SLK: variants seen among roughly 807,000 people sequenced by gnomAD.
SLK encodes STE20-like serine/threonine-protein kinase.
In SLK, 67 loss-of-function variants were observed where a neutral mutation model predicts 147.7. The observed-to-expected ratio is 0.45, with a 90% CI of 0.37 to 0.56. SLK has a LOEUF of 0.56. SLK is among the 20% of genes least tolerant of loss of function. SLK has a pLI of 0.00. For synonymous variants in SLK, 441 were observed against 475.0 expected (o/e 0.93, Z 0.93); for missense variants, 1,136 against 1,438.8 (o/e 0.79, Z 3.41).
At chr10:104,012,063 G>T (rs1038399155) in intron 13 of SLK, among the ~76,000 whole-genome samples, 6 of 152,048 alleles carry the variant, frequency 3.9e-5, no homozygotes, top group African/African-American at 1.2e-4. Context: ...GTATTTAATC[G>T]ATCCTTTGAA....
chr10:104,009,916 C>T (rs572993547), intron 12 of SLK, among the ~76,000 whole-genome samples: 1 of 152,106 alleles, frequency 6.6e-6, no homozygotes, highest in South Asian at 2.1e-4. Flanking sequence ...GTCTCTTTCA[C>T]GGACCATCAA....
intron 2 of SLK, among the ~76,000 whole-genome samples, chr10:103,991,201 AT>A (rs1564654461): frequency 6.6e-6 from 1 of 152,110 alleles, no homozygotes; most frequent in African/African-American, 2.4e-5. Flanking sequence ...ATTGTTTATA[AT>A]TTTTTATCCT....
At position 104,016,046 on chromosome 10, in the gene SLK, C is replaced by T. The variant is rs577285502; in HGVS notation, c.2878-2114C>T. On this transcript the variant is annotated intron_variant, in intron 13 of 18. Coordinates refer to ENST00000369755, the MANE Select transcript of SLK (RefSeq NM_014720.4). Reference sequence around the variant, plus strand: ...GAAATTTTACAGTTGAGGCTGGGCGCGTTGGCTCACGCTTGTAATCCCAGC... The same window carrying T: ...GAAATTTTACAGTTGAGGCTGGGCGTGTTGGCTCACGCTTGTAATCCCAGC... Among the ~76,000 whole-genome samples the T allele has an allele frequency of 2.6e-4, 40 of 152,088 alleles. 1 individual carries two copies. The South Asian group carries it at 5.4e-3, about 21-fold the overall frequency.
intron 1 of SLK, among the ~76,000 whole-genome samples, chr10:103,985,265 TC>T (rs1843997959): frequency 2.0e-5 from 3 of 152,182 alleles, no homozygotes; most frequent in Admixed American, 1.3e-4. Flanking sequence ...TGGGATGTAT[TC>T]CCTGGGGATA....
rs748759584 is a variant in SLK at position 103,993,183 on chromosome 10, CA to C, written c.514+51del. The C allele has an allele frequency of 6.5e-6, 9 of 1,393,672 alleles. No individual in the cohort carries two copies. In the African/African-American group the frequency reaches 1.3e-4, roughly 20 times the overall value. 86.3% of individuals were successfully genotyped at this position (1,393,672 alleles called of 1,614,324 possible). Reference sequence around the variant, plus strand: ...ATTAGAATTTTTACTCTGAAATTTCCATCTTTATGTATGTGACTTAATGTGG... The same window carrying C: ...ATTAGAATTTTTACTCTGAAATTTCCTCTTTATGTATGTGACTTAATGTGG... On this transcript the variant is annotated intron_variant, in intron 4 of 18. Transcript: ENST00000369755.
intron 4 of SLK, among the ~76,000 whole-genome samples, chr10:103,995,651 C>T (rs1365107351): frequency 2.0e-5 from 3 of 151,932 alleles, no homozygotes; most frequent in Non-Finnish European, 2.9e-5. Flanking sequence ...GTCTGGAACT[C>T]CTGGCCAGAA....
chr10:104,000,296 C>A lies in SLK; in HGVS notation c.864+348C>A, dbSNP rs371165734. ...GAGGGTAAATAGTAAATATTGTTGACTTAAAAAAATGTTGTTAAAGCGATT... is the reference window on the plus strand; with the variant it reads ...GAGGGTAAATAGTAAATATTGTTGAATTAAAAAAATGTTGTTAAAGCGATT... On this transcript the variant is annotated intron_variant, in intron 7 of 18. Transcript: ENST00000369755. 5.3e-5 allele frequency among the ~76,000 whole-genome samples: 8 copies of A among 152,034 alleles called. No individual in the cohort carries two copies. In the East Asian group the frequency reaches 1.3e-3, roughly 26 times the overall value.
chr10:104,002,306 C>T lies in SLK; in HGVS notation c.1128C>T (p.Leu376=). The T allele has an allele frequency of 1.9e-6, 3 of 1,613,732 alleles. No individual in the cohort carries two copies. Among genetic ancestry groups the T allele is most frequent in the Non-Finnish European group, 1.7e-6 (2 of 1,179,736 alleles). ...KTERSNSEDK[L]NSKILNEKPT... ...AACGTAGTAACTCTGAAGATAAACT[C>T]AACAGCAAAATTCTTAATGAAAAAC... The change falls in exon 9 of 19, where the codon CTC becomes CTT. Residue 376 remains leucine, a synonymous_variant. Coordinates refer to ENST00000369755, the MANE Select transcript of SLK (RefSeq NM_014720.4).
rs1589550325 is a variant in SLK at position 104,025,784 on chromosome 10, G to A, written c.*64G>A. On this transcript the variant is annotated 3_prime_UTR_variant, in exon 19 of 19. Coordinates refer to ENST00000369755, the MANE Select transcript of SLK (RefSeq NM_014720.4). Reference sequence around the variant, plus strand: ...GTATGTCATTCTGTTCTCATCTTCTGCCACAGTCTCTCAGATAGCTCATGA... The same window carrying A: ...GTATGTCATTCTGTTCTCATCTTCTACCACAGTCTCTCAGATAGCTCATGA... 1 of 1,421,204 alleles carries A rather than the reference G, an allele frequency of 7.0e-7. No individual in the cohort carries two copies. The highest frequency in any genetic ancestry group is 2.3e-5 in the East Asian group (1 of 43,508). The allele number at this position is 1,421,204 out of a possible 1,614,324, so 88.0% of individuals were successfully genotyped here.
chr10:103,972,430 T>C (rs968600804), intron 1 of SLK, among the ~76,000 whole-genome samples: 1 of 152,186 alleles, frequency 6.6e-6, no homozygotes, highest in Non-Finnish European at 1.5e-5. Flanking sequence ...CCCAGCACTT[T>C]GGGAGGCCGA....
At chr10:103,968,404 G>A (rs7096960) in intron 1 of SLK, among the ~76,000 whole-genome samples, 122,449 of 152,090 alleles carry the variant, frequency 0.81, 49,445 homozygotes, top group East Asian at 0.9. Context: ...TTGCTTGACA[G>A]CATACTATAA....
At position 104,025,726 on chromosome 10, in the gene SLK, G is replaced by A. The variant is rs558861667; in HGVS notation, c.*6G>A. 6.2e-7 allele frequency: 1 copy of A among 1,613,690 alleles called. No homozygotes were observed. The highest frequency in any genetic ancestry group is 1.1e-5 in the South Asian group (1 of 91,034). On this transcript the variant is annotated 3_prime_UTR_variant, in exon 19 of 19. Coordinates refer to ENST00000369755, the MANE Select transcript of SLK (RefSeq NM_014720.4). ...TGCATTCCACCGGATCATAACAAAG[G>A]GAAGCATTCTGTGCGTGGGTTTGGC...
In SLK at chr10:104,003,074, G is replaced by A; in HGVS notation, c.1896G>A (p.Glu632=). ...NSSENIMDIN[E]EPGTTEGEEI... The stretch of plus-strand genomic sequence containing the variant: ...CAGAGAACATAATGGACATCAATGA[G>A]GAACCAGGAACAACTGAAGGTGAAG... The change falls in exon 9 of 19, where the codon GAG becomes GAA. Residue 632 remains glutamate (E), a synonymous_variant. Coordinates refer to ENST00000369755, the MANE Select transcript of SLK (RefSeq NM_014720.4). 6.2e-7 allele frequency: 1 copy of A among 1,613,936 alleles called. No homozygotes were observed.
chr10:103,974,994 A>G (rs1843850101), intron 1 of SLK, among the ~76,000 whole-genome samples: 2 of 147,764 alleles, frequency 1.4e-5, no homozygotes, highest in Non-Finnish European at 3.0e-5. Flanking sequence ...AAGTCACCAT[A>G]CTCTTGATTT....
intron 1 of SLK, chr10:103,974,670 A>T (rs1843840624): frequency 2.0e-4 from 1 of 5,124 alleles, no homozygotes; most frequent in Non-Finnish European, 5.6e-4. Context: ...TTTTTTTTTG[A>T]GATGGAGTCT....
At chr10:104,014,744 T>G (rs1026216229) in intron 13 of SLK, among the ~76,000 whole-genome samples, 11 of 152,194 alleles carry the variant, frequency 7.2e-5, no homozygotes, top group African/African-American at 2.7e-4. Context: ...AGTTATCTGA[T>G]TAATATGATA....
chr10:103,970,278 G>A (rs1203985300), intron 1 of SLK, among the ~76,000 whole-genome samples: 1 of 152,210 alleles, frequency 6.6e-6, no homozygotes, highest in Non-Finnish European at 1.5e-5. Flanking sequence ...AATGGCATGG[G>A]CAGACTGTGT....
chr10:103,968,166 G>C (rs1843744265), intron 1 of SLK, among the ~76,000 whole-genome samples: 1 of 152,210 alleles, frequency 6.6e-6, no homozygotes, highest in African/African-American at 2.4e-5. Flanking sequence ...GGAAATGAGA[G>C]TGTTCTTTAA....
chr10:103,974,769 G>A (rs1230084877), intron 1 of SLK: 55 of 119,042 alleles, frequency 4.6e-4, no homozygotes, highest in African/African-American at 1.7e-3. Context: ...TCCTGCCTCA[G>A]CCTCCCGAGT....
Sources: gnomAD v4.1 joint callset for allele counts (sites outside exome capture counted in the v4.1 genomes callset) on GRCh38, gnomAD v4.1.1 for gene constraint, MANE v1.5 for transcripts, NCBI Gene and HGNC (gene_info 2026-07-23, HGNC 2026-07-21) for gene names.